Variants in SRPX observed in about 807,000 individuals in gnomAD.
SRPX encodes the protein sushi repeat-containing protein SRPX.
A neutral mutation model predicts 38.1 loss-of-function variants in SRPX; 24 were observed. The observed-to-expected ratio is 0.63, with a 90% confidence interval of 0.46 to 0.89. The LOEUF is 0.89. Among genes scored for constraint, SRPX ranks in the 40% least tolerant of loss-of-function variants. SRPX has a pLI of 0.00. For missense variants in SRPX, 416 were observed against 377.8 expected, an observed-to-expected ratio of 1.10 and a Z score of -0.84; for synonymous variants, 184 against 153.8, an observed-to-expected ratio of 1.20 and a Z score of -1.45.
chrX:38,200,970 C>T (rs1324740885), intron 1 of SRPX, among the ~76,000 whole-genome samples: 5 of 111,587 alleles, frequency 4.5e-5, no homozygotes, highest in African/African-American at 9.8e-5. Context: ...TCAATAAATA[C>T]GTTTTTGGAT....
chrX:38,215,286 A>G (rs1430368496), intron 1 of SRPX, among the ~76,000 whole-genome samples: 1 of 111,786 alleles, frequency 8.9e-6, no homozygotes, highest in African/African-American at 3.3e-5. Flanking sequence ...ATTACGGGTG[A>G]GTGAATCATT....
chrX:38,195,273 C>T (rs192610302), intron 1 of SRPX, among the ~76,000 whole-genome samples: 25 of 110,012 alleles, frequency 2.3e-4, no homozygotes, highest in Non-Finnish European at 3.6e-4. Context: ...GAGGAGATAG[C>T]GAAAGGAAAA....
chrX:38,195,081 C>G (rs1241294318), intron 1 of SRPX, among the ~76,000 whole-genome samples: 1 of 109,486 alleles, frequency 9.1e-6, no homozygotes, highest in African/African-American at 3.3e-5. Context: ...CCATGTTGAC[C>G]AGGCTGTTCT....
intron 1 of SRPX, among the ~76,000 whole-genome samples, chrX:38,189,778 C>G (rs1938861736): frequency 8.9e-6 from 1 of 111,859 alleles, no homozygotes. Context: ...TTTTCAGAAG[C>G]CATTTCGAGT....
At chrX:38,156,351 A>G (rs1202113003) in intron 8 of SRPX, among the ~76,000 whole-genome samples, 1 of 111,954 alleles carries the variant, frequency 8.9e-6, no homozygotes, top group African/African-American at 3.3e-5. Flanking sequence ...TAGAGTGCTT[A>G]GGAATCACCT....
intron 7 of SRPX, among the ~76,000 whole-genome samples, chrX:38,157,588 A>G (rs1938157227): frequency 8.9e-6 from 1 of 112,019 alleles, no homozygotes; most frequent in African/African-American, 3.3e-5. Flanking sequence ...TGGGTAATTC[A>G]GGATACTCTT....
chrX:38,172,957 G>A (rs1214038839), intron 3 of SRPX, among the ~76,000 whole-genome samples: 1 of 112,493 alleles, frequency 8.9e-6, no homozygotes, highest in African/African-American at 3.2e-5. Flanking sequence ...TAAGGTTGAA[G>A]TTCCAAGTCT....
At chrX:38,168,478 G>A (rs1005237927) in intron 4 of SRPX, among the ~76,000 whole-genome samples, 20 of 112,293 alleles carry the variant, frequency 1.8e-4, no homozygotes, top group African/African-American at 6.5e-4. Flanking sequence ...CAGCAGAGAT[G>A]AGCTGTCCCC....
Position 38,154,585 on chromosome X carries a change from TG to T in SRPX, c.1090-3del, listed in dbSNP as rs1267891810. 1.7e-6 allele frequency: 2 copies of T among 1,207,162 alleles called. No individual in the cohort carries two copies. The highest frequency in any genetic ancestry group is 3.6e-5 in the South Asian group (2 of 55,646). ...AAGATCAAGGCCACACTGTGCTTGC[TG>T]GGAAAAAGAAAACCCAACAGGGGAA... On this transcript the variant is annotated splice_polypyrimidine_tract_variant and splice_region_variant and intron_variant, in intron 8 of 9. Coordinates refer to ENST00000378533, the MANE Select transcript of SRPX (RefSeq NM_006307.5).
intron 1 of SRPX, among the ~76,000 whole-genome samples, chrX:38,201,806 G>A (rs965064033): frequency 1.4e-4 from 14 of 102,651 alleles, no homozygotes; most frequent in Non-Finnish European, 2.2e-4. Flanking sequence ...GTGACAGAGC[G>A]AGACTCCGTC....
intron 1 of SRPX, among the ~76,000 whole-genome samples, chrX:38,205,097 C>A (rs1939185480): frequency 8.9e-6 from 1 of 112,085 alleles, no homozygotes; most frequent in African/African-American, 3.2e-5. Context: ...CCATGGCTAG[C>A]AATTTGCGGG....
At chrX:38,172,582 A>C (rs1938494944) in intron 3 of SRPX, among the ~76,000 whole-genome samples, 1 of 113,067 alleles carries the variant, frequency 8.8e-6, no homozygotes, top group South Asian at 3.6e-4. Flanking sequence ...TGAGCTCCCC[A>C]GAAGCAGATT....
chrX:38,175,697 G>A (rs1284568588), intron 2 of SRPX, among the ~76,000 whole-genome samples: 3 of 110,804 alleles, frequency 2.7e-5, no homozygotes, highest in Non-Finnish European at 5.7e-5. Context: ...TAATACTTTC[G>A]TCATATCATG....
chrX:38,172,345 C>T (rs145636864), intron 3 of SRPX, among the ~76,000 whole-genome samples: 2,509 of 112,587 alleles, frequency 0.022, 73 homozygotes, highest in African/African-American at 0.074. Flanking sequence ...CCCAGCTACT[C>T]GGGAGGCTAC....
intron 1 of SRPX, among the ~76,000 whole-genome samples, chrX:38,219,061 A>ATC (rs1939464031): frequency 2.7e-5 from 2 of 74,519 alleles, no homozygotes; most frequent in Non-Finnish European, 6.9e-5. Context: ...CAGGAAAGCC[A>ATC]GGGATAGGTC....
intron 1 of SRPX, among the ~76,000 whole-genome samples, chrX:38,182,212 T>C (rs1383951264): frequency 8.9e-6 from 1 of 112,169 alleles, no homozygotes; most frequent in African/African-American, 3.2e-5. Flanking sequence ...AGCCAGTAAA[T>C]GGTAAATCAG....
In SRPX at chrX:38,220,826, A is replaced by C; in HGVS notation, c.-34T>G. 1 of 1,066,132 alleles carries C rather than the reference A, an allele frequency of 9.4e-7. No individual in the cohort carries two copies. The allele number at this position is 1,066,132 out of a possible 1,213,427, so 87.9% of individuals were successfully genotyped here. A position where few individuals can be genotyped will look rare whatever the true frequency, so the allele number is the denominator to read the frequency against. Reference sequence around the variant, plus strand: ...GGCGCTTAGCTCGCCTCGGCAGCGCAGCGCGCTTCCCGGGGGCGGCAGGAG... The same window carrying C: ...GGCGCTTAGCTCGCCTCGGCAGCGCCGCGCGCTTCCCGGGGGCGGCAGGAG... On this transcript the variant is annotated 5_prime_UTR_variant, in exon 1 of 10. Coordinates refer to ENST00000378533, the MANE Select transcript of SRPX (RefSeq NM_006307.5).
intron 1 of SRPX, among the ~76,000 whole-genome samples, chrX:38,215,612 T>G (rs1402337896): frequency 1.4e-4 from 16 of 112,277 alleles, no homozygotes; most frequent in African/African-American, 5.2e-4. Flanking sequence ...TGCAATCCGT[T>G]TTCTCAGGAA....
At chrX:38,209,285 C>T (rs756534322) in intron 1 of SRPX, among the ~76,000 whole-genome samples, 10 of 111,528 alleles carry the variant, frequency 9.0e-5, no homozygotes, top group Admixed American at 5.7e-4. Context: ...CTCTCCTCAG[C>T]GGCCAGCCCA....
Sources: gnomAD v4.1 joint callset for allele counts (sites outside exome capture counted in the v4.1 genomes callset) on GRCh38, gnomAD v4.1.1 for gene constraint, MANE v1.5 for transcripts, NCBI Gene and HGNC (gene_info 2026-07-23, HGNC 2026-07-21) for gene names.